PABPC4L: variants seen among roughly 807,000 people sequenced by gnomAD.
PABPC4L encodes polyadenylate-binding protein 4-like.
For missense variants in PABPC4L, 452 were observed against 451.4 expected (o/e 1.00, Z -0.01); for synonymous variants, 169 against 164.1 (o/e 1.03, Z -0.23).
the PABPC4L span, among the ~76,000 whole-genome samples, chr4:134,110,431 T>C: frequency 6.6e-6 from 1 of 151,926 alleles, no homozygotes; most frequent in African/African-American, 2.4e-5. Flanking sequence ...TGAAAAATAT[T>C]TTTTTCTTAG....
the PABPC4L span, among the ~76,000 whole-genome samples, chr4:134,080,080 G>T: frequency 1.3e-5 from 2 of 151,534 alleles, no homozygotes; most frequent in African/African-American, 4.9e-5. Flanking sequence ...AATATTGCTG[G>T]AAATAATAAT....
chr4:133,965,648 C>T, the PABPC4L span, among the ~76,000 whole-genome samples: 1 of 152,038 alleles, frequency 6.6e-6, no homozygotes, highest in Admixed American at 6.6e-5. Context: ...AATAGAGAAT[C>T]CAGAAATGAA....
the PABPC4L span, among the ~76,000 whole-genome samples, chr4:134,070,300 T>C: frequency 6.6e-6 from 1 of 151,990 alleles, no homozygotes; most frequent in Non-Finnish European, 1.5e-5. Flanking sequence ...TGTTCACAAG[T>C]GCCAGCAGCA....
chr4:134,071,556 C>G, the PABPC4L span, among the ~76,000 whole-genome samples: 11 of 152,068 alleles, frequency 7.2e-5, no homozygotes, highest in African/African-American at 2.7e-4. Context: ...CCACCCTATG[C>G]CTTTTGAGGC....
chr4:134,153,650 A>C, the PABPC4L span, among the ~76,000 whole-genome samples: 15 of 129,072 alleles, frequency 1.2e-4, no homozygotes, highest in African/African-American at 3.6e-4. Context: ...TTCTTTCTTT[A>C]TTTTTTTATT....
chr4:134,024,872 C>T, the PABPC4L span, among the ~76,000 whole-genome samples: 5 of 141,394 alleles, frequency 3.5e-5, no homozygotes, highest in South Asian at 2.2e-4. Context: ...TAGGCTCAAA[C>T]GATTTTGTCA....
At chr4:134,138,683 A>G in the PABPC4L span, among the ~76,000 whole-genome samples, 2 of 151,856 alleles carry the variant, frequency 1.3e-5, no homozygotes, top group Non-Finnish European at 2.9e-5. Flanking sequence ...TTGAAATTAT[A>G]AAGCTACATT....
chr4:134,118,091 A>G, the PABPC4L span, among the ~76,000 whole-genome samples: 1 of 151,826 alleles, frequency 6.6e-6, no homozygotes, highest in African/African-American at 2.4e-5. Flanking sequence ...TGTCAACAAC[A>G]TGAGGACCAT....
the PABPC4L span, among the ~76,000 whole-genome samples, chr4:134,171,472 G>GT: frequency 1.3e-5 from 2 of 152,082 alleles, no homozygotes; most frequent in African/African-American, 4.8e-5. Flanking sequence ...AAATGGGGCT[G>GT]TTTTTTGCTA....
chr4:134,023,407 C>T, the PABPC4L span, among the ~76,000 whole-genome samples: 1 of 152,072 alleles, frequency 6.6e-6, no homozygotes, highest in Non-Finnish European at 1.5e-5. Context: ...CATCATCTTC[C>T]CAGAGTTCTC....
At chr4:133,963,954 A>C in the PABPC4L span, among the ~76,000 whole-genome samples, 2 of 152,156 alleles carry the variant, frequency 1.3e-5, no homozygotes, top group Admixed American at 6.5e-5. Context: ...ACCCACCAGA[A>C]GAAAGGAAAT....
chr4:134,099,394 T>A, the PABPC4L span, among the ~76,000 whole-genome samples: 1 of 151,764 alleles, frequency 6.6e-6, no homozygotes, highest in Admixed American at 6.6e-5. Flanking sequence ...TAAATATACT[T>A]AACCTTTATA....
chr4:134,001,800 T>C, the PABPC4L span, among the ~76,000 whole-genome samples: 86 of 152,206 alleles, frequency 5.7e-4, no homozygotes, highest in African/African-American at 2.0e-3. Context: ...ATCAAAACAA[T>C]TATAAATCAT....
chr4:134,148,254 C>T, the PABPC4L span, among the ~76,000 whole-genome samples: 84 of 152,042 alleles, frequency 5.5e-4, 2 homozygotes, highest in Non-Finnish European at 8.8e-5. Context: ...TGCTCAGAAC[C>T]CCCTCAGGCT....
At chr4:134,130,144 A>T in the PABPC4L span, among the ~76,000 whole-genome samples, 1 of 151,910 alleles carries the variant, frequency 6.6e-6, no homozygotes, top group Non-Finnish European at 1.5e-5. Context: ...GAGAAACAAA[A>T]ACAAACAAAA....
chr4:134,013,160 G>A, the PABPC4L span, among the ~76,000 whole-genome samples: 1 of 151,666 alleles, frequency 6.6e-6, no homozygotes, highest in South Asian at 2.1e-4. Flanking sequence ...TCTAGGGGAG[G>A]GGCAAGAACA....
chr4:134,025,095 C>T, the PABPC4L span, among the ~76,000 whole-genome samples: 2 of 150,404 alleles, frequency 1.3e-5, no homozygotes, highest in South Asian at 2.1e-4. Flanking sequence ...CTTTGGGAGG[C>T]CAAGGTGGGT....
Position 134,198,132 on chromosome 4 carries a change from A to G in PABPC4L, c.*1775T>C, listed in dbSNP as rs955690113. 1.3e-5 allele frequency: 2 copies of G among 151,888 alleles called. No individual in the cohort carries two copies. The highest frequency in any genetic ancestry group is 4.1e-4 in the South Asian group (2 of 4,830). 9.4% of individuals were successfully genotyped at this position (151,888 alleles called of 1,614,324 possible). Reference sequence around the variant, plus strand: ...ACAAAACATAAAAGTCACTCAGATTATAAGACAAATAATTATTGTGAGCAT... The same window carrying G: ...ACAAAACATAAAAGTCACTCAGATTGTAAGACAAATAATTATTGTGAGCAT... On this transcript the variant is annotated 3_prime_UTR_variant, in exon 2 of 2. Coordinates refer to ENST00000421491, the MANE Select transcript of PABPC4L (RefSeq NM_001114734.2).
the PABPC4L span, among the ~76,000 whole-genome samples, chr4:134,149,243 G>A: frequency 6.6e-6 from 1 of 152,084 alleles, no homozygotes; most frequent in Non-Finnish European, 1.5e-5. Flanking sequence ...AATTAAGCCA[G>A]ATAAAGTTAA....
Sources: allele counts gnomAD v4.1 joint callset (sites outside exome capture counted in the v4.1 genomes callset), GRCh38; gene constraint gnomAD v4.1.1; transcripts MANE v1.5; gene names NCBI Gene and HGNC (gene_info 2026-07-23, HGNC 2026-07-21).